Variants in IGSF5 observed in about 807,000 individuals in gnomAD.
The protein encoded by IGSF5 is immunoglobulin superfamily 5 like.
IGSF5 carries 41 observed loss-of-function variants against 39.4 expected under a neutral mutation model. The ratio of observed to expected loss-of-function variants is 1.04; its 90% CI spans 0.81 to 1.35. The LOEUF (loss-of-function observed/expected upper bound fraction) is 1.35. Ranked by LOEUF, IGSF5 falls within the 40% of genes most tolerant of loss-of-function variation. IGSF5 has a pLI of 0.00. For synonymous variants in IGSF5, 183 were observed against 175.3 expected (o/e 1.04, Z -0.34); for missense variants, 487 against 494.6 (o/e 0.98, Z 0.15).
intron 2 of IGSF5, among the ~76,000 whole-genome samples, chr21:39,760,519 G>T (rs952894476): frequency 1.3e-5 from 2 of 152,142 alleles, no homozygotes; most frequent in Non-Finnish European, 2.9e-5. Context: ...GGTGATCGGA[G>T]GGTGAAGTTT....
chr21:39,715,241 G>T, the IGSF5 span, among the ~76,000 whole-genome samples: 2 of 151,736 alleles, frequency 1.3e-5, no homozygotes, highest in African/African-American at 2.4e-5. Context: ...CCTCAGCCTT[G>T]CAAGTAGCTG....
In IGSF5 at chr21:39,748,463, A is replaced by G. The variant is rs368457387; in HGVS notation, c.100+2165A>G. On this transcript the variant is annotated intron_variant, in intron 2 of 8. Transcript: ENST00000380588. ...GTAGCTGGGACTACAGGCACGTGCC[A>G]TCACATCCGGCTAATTTTTGTGTTA... 9.2e-5 allele frequency among the ~76,000 whole-genome samples: 14 copies of G among 152,060 alleles called. No homozygotes were observed. In the East Asian group the frequency reaches 2.7e-3, roughly 29 times the overall value.
intron 5 of IGSF5, among the ~76,000 whole-genome samples, chr21:39,780,058 C>A (rs1221595661): frequency 6.6e-6 from 1 of 152,148 alleles, no homozygotes; most frequent in African/African-American, 2.4e-5. Flanking sequence ...GATATTCTCA[C>A]CACAAAATAG....
rs983052328 is a variant in IGSF5 at position 39,780,937 on chromosome 21, G to A, written c.934+1632G>A. ...CAGTTAAATTATTTTTCTAAAGATC[G>A]GAGTTTTGATGTTAGCTTGCATGTC... On this transcript the variant is annotated intron_variant, in intron 5 of 8. Coordinates refer to ENST00000380588, the MANE Select transcript of IGSF5 (RefSeq NM_001080444.2). 4.6e-5 allele frequency among the ~76,000 whole-genome samples: 7 copies of A among 152,246 alleles called. No homozygotes were observed. In the East Asian group the frequency reaches 7.7e-4, roughly 17 times the overall value.
intron 8 of IGSF5, among the ~76,000 whole-genome samples, chr21:39,795,696 T>C (rs957794217): frequency 6.6e-6 from 1 of 151,922 alleles, no homozygotes; most frequent in East Asian, 1.9e-4. Context: ...TTTCTGCTAC[T>C]GAAACATGTA....
At chr21:39,761,604 G>C (rs935003470) in intron 2 of IGSF5, among the ~76,000 whole-genome samples, 2 of 152,218 alleles carry the variant, frequency 1.3e-5, no homozygotes, top group African/African-American at 4.8e-5. Context: ...CAAAGGACAT[G>C]AACAGATACT....
the IGSF5 span, among the ~76,000 whole-genome samples, chr21:39,715,500 C>A: frequency 6.6e-6 from 1 of 152,156 alleles, no homozygotes; most frequent in Admixed American, 6.5e-5. Flanking sequence ...CATAGCATTC[C>A]AACTTAGTTT....
At chr21:39,736,918 C>T in the IGSF5 span, among the ~76,000 whole-genome samples, 1 of 152,060 alleles carries the variant, frequency 6.6e-6, no homozygotes, top group Non-Finnish European at 1.5e-5. Flanking sequence ...TGACAGAGGC[C>T]AAGAGATTAC....
intron 6 of IGSF5, among the ~76,000 whole-genome samples, chr21:39,788,726 CTT>C (rs36010778): frequency 6.6e-6 from 1 of 152,166 alleles, no homozygotes; most frequent in Non-Finnish European, 1.5e-5. Context: ...GCTGCAAGCA[CTT>C]TTAAGGTAAC....
At chr21:39,720,846 GA>G in the IGSF5 span, among the ~76,000 whole-genome samples, 1 of 152,250 alleles carries the variant, frequency 6.6e-6, no homozygotes, top group East Asian at 1.9e-4. Context: ...TTCTCTGTAT[GA>G]TCATATTACT....
chr21:39,780,817 A>T (rs2080166464), intron 5 of IGSF5, among the ~76,000 whole-genome samples: 1 of 152,148 alleles, frequency 6.6e-6, no homozygotes, highest in Admixed American at 6.6e-5. Flanking sequence ...TATCATGAGA[A>T]TGCTCCAGGA....
rs535075851 is a variant in IGSF5, at chr21:39,755,563, G to C, written c.100+9265G>C. 8.6e-5 allele frequency among the ~76,000 whole-genome samples: 13 copies of C among 150,408 alleles called. No homozygotes were observed. The South Asian group carries it at 2.1e-3, about 25-fold the overall frequency. On this transcript the variant is annotated intron_variant, in intron 2 of 8. Transcript: ENST00000380588. ...GATCGCACCATTGCACTCCAGACTG[G>C]GTGACAGAGCGAGACTCCATCTCAA...
chr21:39,761,929 A>G (rs150486000), intron 2 of IGSF5, among the ~76,000 whole-genome samples: 2,911 of 152,164 alleles, frequency 0.019, 84 homozygotes, highest in African/African-American at 0.067. Context: ...TGACCTCCCA[A>G]AGTGCTAAGA....
At chr21:39,762,913 G>A (rs916242697) in intron 2 of IGSF5, among the ~76,000 whole-genome samples, 3 of 152,108 alleles carry the variant, frequency 2.0e-5, no homozygotes, top group African/African-American at 7.2e-5. Context: ...GTTCTCGGGC[G>A]GGAGGAGACA....
intron 2 of IGSF5, among the ~76,000 whole-genome samples, chr21:39,761,534 A>G (rs1301229746): frequency 6.6e-6 from 1 of 152,260 alleles, no homozygotes; most frequent in East Asian, 1.9e-4. Context: ...TCTAATATCC[A>G]GAATCTGCAA....
intron 2 of IGSF5, among the ~76,000 whole-genome samples, chr21:39,754,880 A>G (rs1004934541): frequency 1.3e-5 from 2 of 152,144 alleles, no homozygotes; most frequent in Admixed American, 1.3e-4. Context: ...TTCAAATGCT[A>G]TCCCCTCTCA....
At chr21:39,732,305 A>G in the IGSF5 span, among the ~76,000 whole-genome samples, 1 of 152,222 alleles carries the variant, frequency 6.6e-6, no homozygotes, top group Non-Finnish European at 1.5e-5. Context: ...TCATCCTCAT[A>G]CCAAAATTGC....
chr21:39,775,554 G>C (rs926300679), intron 4 of IGSF5, among the ~76,000 whole-genome samples: 1 of 152,112 alleles, frequency 6.6e-6, no homozygotes, highest in Non-Finnish European at 1.5e-5. Flanking sequence ...TCTGGGAAAT[G>C]CTATTTTCCT....
chr21:39,792,755 A>G (rs2086972613), intron 7 of IGSF5, among the ~76,000 whole-genome samples: 1 of 152,134 alleles, frequency 6.6e-6, no homozygotes, highest in Admixed American at 6.5e-5. Context: ...GCTATGAGAC[A>G]ATACAGAGTG....
Sources: gnomAD v4.1 joint callset for allele counts (sites outside exome capture counted in the v4.1 genomes callset) on GRCh38, gnomAD v4.1.1 for gene constraint, MANE v1.5 for transcripts, NCBI Gene and HGNC (gene_info 2026-07-23, HGNC 2026-07-21) for gene names.